Variants in NDUFAF2 observed in about 807,000 individuals in gnomAD.
NDUFAF2 encodes NADH dehydrogenase [ubiquinone] 1 alpha subcomplex assembly factor 2.
In NDUFAF2, 13 loss-of-function variants were observed where a neutral mutation model predicts 22.8. That is an observed-to-expected ratio of 0.57 (90% CI 0.37 to 0.91). The LOEUF (loss-of-function observed/expected upper bound fraction) is 0.91, where lower values mean the gene tolerates loss of function less well. Among genes scored for constraint, NDUFAF2 ranks in the 40% least tolerant of loss-of-function variants. The pLI, the probability that NDUFAF2 is intolerant of heterozygous loss-of-function variation, is 0.01. For missense variants in NDUFAF2, 162 were observed against 195.2 expected (o/e 0.83, Z 1.01); for synonymous variants, 53 against 64.2 (o/e 0.83, Z 0.84).
chr5:60,954,686 C>T (rs1750591975), intron 1 of NDUFAF2, among the ~76,000 whole-genome samples: 1 of 151,554 alleles, frequency 6.6e-6, no homozygotes. Context: ...CTCAAGTGAT[C>T]TGCCCGCCTC....
At chr5:61,037,344 G>A (rs1371685413) in intron 1 of NDUFAF2, among the ~76,000 whole-genome samples, 1 of 152,180 alleles carries the variant, frequency 6.6e-6, no homozygotes, top group African/African-American at 2.4e-5. Context: ...AGTCACACAT[G>A]CATATAATTG....
At chr5:61,013,773 A>G (rs1449611883) in intron 1 of NDUFAF2, among the ~76,000 whole-genome samples, 1 of 151,976 alleles carries the variant, frequency 6.6e-6, no homozygotes, top group Non-Finnish European at 1.5e-5. Flanking sequence ...TAAAATAAGC[A>G]TTCAACATAG....
At chr5:61,031,653 CTT>C (rs1751729336) in intron 1 of NDUFAF2, among the ~76,000 whole-genome samples, 2 of 152,006 alleles carry the variant, frequency 1.3e-5, no homozygotes, top group African/African-American at 4.8e-5. Flanking sequence ...GGTTCCAAGT[CTT>C]TGCTATTGTG....
chr5:61,101,179 A>G (rs1003489757), intron 3 of NDUFAF2, among the ~76,000 whole-genome samples: 4 of 152,160 alleles, frequency 2.6e-5, no homozygotes, highest in Admixed American at 1.3e-4. Context: ...GTAACAAAAA[A>G]ATAGCTTATT....
At chr5:60,977,591 T>C (rs974223259) in intron 1 of NDUFAF2, among the ~76,000 whole-genome samples, 1 of 151,706 alleles carries the variant, frequency 6.6e-6, no homozygotes, top group African/African-American at 2.4e-5. Context: ...TAATCAGCAC[T>C]TTGGAAGGCC....
At chr5:60,953,458 C>T (rs1253409627) in intron 1 of NDUFAF2, among the ~76,000 whole-genome samples, 2 of 152,056 alleles carry the variant, frequency 1.3e-5, no homozygotes. Flanking sequence ...ACCATAATTC[C>T]CTTTCCTCTT....
intron 2 of NDUFAF2, among the ~76,000 whole-genome samples, chr5:61,092,745 T>G (rs990416822): frequency 3.9e-5 from 6 of 152,176 alleles, no homozygotes; most frequent in African/African-American, 1.4e-4. Flanking sequence ...TCCTATACTA[T>G]GTTGAATACA....
At chr5:61,040,297 C>G (rs950521240) in intron 1 of NDUFAF2, among the ~76,000 whole-genome samples, 4 of 150,452 alleles carry the variant, frequency 2.7e-5, no homozygotes, top group Non-Finnish European at 4.4e-5. Context: ...CGCGCGCGCG[C>G]GCGCGAAAGT....
At chr5:61,006,517 A>G (rs918411473) in intron 1 of NDUFAF2, among the ~76,000 whole-genome samples, 1 of 152,092 alleles carries the variant, frequency 6.6e-6, no homozygotes, top group East Asian at 1.9e-4. Flanking sequence ...CATTGAATCT[A>G]TAAATTACCT....
At chr5:61,024,047 C>G (rs1199183953) in intron 1 of NDUFAF2, among the ~76,000 whole-genome samples, 34 of 152,184 alleles carry the variant, frequency 2.2e-4, no homozygotes, top group Non-Finnish European at 7.4e-5. Flanking sequence ...TTATTTTTAG[C>G]AAAGTATTAT....
At chr5:61,143,145 G>C (rs966854684) in intron 3 of NDUFAF2, among the ~76,000 whole-genome samples, 1 of 151,974 alleles carries the variant, frequency 6.6e-6, no homozygotes, top group African/African-American at 2.4e-5. Context: ...TTGAGGATTG[G>C]GGGCTGTGTG....
chr5:61,001,415 C>G (rs1449461589), intron 1 of NDUFAF2, among the ~76,000 whole-genome samples: 1 of 152,036 alleles, frequency 6.6e-6, no homozygotes, highest in Non-Finnish European at 1.5e-5. Context: ...GATTGTGCAC[C>G]AATGTATATA....
chr5:61,073,680 A>G (rs528207874), intron 2 of NDUFAF2, among the ~76,000 whole-genome samples: 1 of 152,212 alleles, frequency 6.6e-6, no homozygotes, highest in Non-Finnish European at 1.5e-5. Flanking sequence ...CAATAACTCT[A>G]TGATAACTGA....
intron 3 of NDUFAF2, among the ~76,000 whole-genome samples, chr5:61,114,062 A>T (rs34915700): frequency 9.5e-4 from 144 of 152,062 alleles, no homozygotes; most frequent in Non-Finnish European, 1.4e-3. Context: ...TTGAATATTG[A>T]TATCTTTCTT....
intron 3 of NDUFAF2, chr5:61,114,480 T>G (rs1174870278): frequency 6.6e-6 from 1 of 152,234 alleles, no homozygotes; most frequent in Non-Finnish European, 1.5e-5. Flanking sequence ...ATAGCTATTT[T>G]GAATTCTCTG....
At chr5:61,116,039 A>C (rs1403093892) in intron 3 of NDUFAF2, 2 of 152,216 alleles carry the variant, frequency 1.3e-5, no homozygotes, top group African/African-American at 2.4e-5. Flanking sequence ...GTACATACTG[A>C]AAATGAGACC....
chr5:60,947,765 CAA>C (rs11285395), intron 1 of NDUFAF2, among the ~76,000 whole-genome samples: 51,599 of 115,524 alleles, frequency 0.45, 9,516 homozygotes, highest in East Asian at 0.74. Flanking sequence ...GACTCCACCT[CAA>C]AAAAAAAAAA....
rs556120614 is a variant in NDUFAF2, at chr5:61,000,265, A to G, written c.127+54883A>G. 1.2e-4 allele frequency among the ~76,000 whole-genome samples: 18 copies of G among 152,134 alleles called. No homozygotes were observed. The South Asian group carries it at 2.1e-3, about 18-fold the overall frequency. ...TAGAAAATGAGTAGATTTAGTGTTC[A>G]TTTGCCACATATGGTTTCATTAATA... is the stretch of plus-strand genomic sequence containing the variant. On this transcript the variant is annotated intron_variant, in intron 1 of 3. Transcript: ENST00000296597.
chr5:60,994,149 C>A (rs1245101881), intron 1 of NDUFAF2, among the ~76,000 whole-genome samples: 1 of 152,240 alleles, frequency 6.6e-6, no homozygotes, highest in African/African-American at 2.4e-5. Context: ...TGGCACACAC[C>A]CAGCTAGGCT....
Sources: gnomAD v4.1 joint callset for allele counts (sites outside exome capture counted in the v4.1 genomes callset) on GRCh38, gnomAD v4.1.1 for gene constraint, MANE v1.5 for transcripts, NCBI Gene and HGNC (gene_info 2026-07-23, HGNC 2026-07-21) for gene names.